The following SPTAN1 variants were observed in gnomAD, a reference collection of about 807,000 sequenced individuals.
SPTAN1 encodes the protein spectrin alpha, non-erythrocytic 1.
In SPTAN1, 61 loss-of-function variants were observed where a neutral mutation model predicts 331.3. The ratio of observed to expected loss-of-function variants is 0.18; its 90% confidence interval spans 0.15 to 0.23. SPTAN1 has a LOEUF of 0.23. SPTAN1 is among the 10% of genes least tolerant of loss of function. SPTAN1 has a pLI of 1.00. For synonymous variants in SPTAN1, 1,153 were observed against 1,173.9 expected (o/e 0.98, Z 0.36); for missense variants, 2,043 against 3,147.9 (o/e 0.65, Z 8.40).
At chr9:128,587,185 A>G (rs1852766038) in intron 19 of SPTAN1, among the ~76,000 whole-genome samples, 1 of 152,104 alleles carries the variant, frequency 6.6e-6, no homozygotes, top group African/African-American at 2.4e-5. Context: ...TCCTGTGCTC[A>G]GCAGTCTTCC....
Position 128,633,401 on chromosome 9 carries a change from T to TG in SPTAN1, c.*68dup. 1.2e-6 allele frequency: 2 copies of TG among 1,609,416 alleles called. No homozygotes were observed. The highest frequency in any genetic ancestry group is 1.7e-6 in the Non-Finnish European group (2 of 1,178,832). Reference sequence around the variant, plus strand: ...TCGCCTTGCTGCATGTCCGCTCCTCTGTGTGCTCTCACTTTCCACTGTAAC... The same window carrying TG: ...TCGCCTTGCTGCATGTCCGCTCCTCTGGTGTGCTCTCACTTTCCACTGTAAC... On this transcript the variant is annotated 3_prime_UTR_variant, in exon 57 of 57. Transcript: ENST00000372739.
chr9:128,564,945 C>T (rs1414184831), intron 1 of SPTAN1, among the ~76,000 whole-genome samples: 1 of 152,148 alleles, frequency 6.6e-6, no homozygotes, highest in Non-Finnish European at 1.5e-5. Flanking sequence ...AGAGATAATA[C>T]CAGGCAGGCA....
At chr9:128,554,551 ATG>A (rs1564172180) in intron 1 of SPTAN1, among the ~76,000 whole-genome samples, 1 of 151,810 alleles carries the variant, frequency 6.6e-6, no homozygotes, top group African/African-American at 2.4e-5. Context: ...ATAGTCCCCC[ATG>A]TCCTGTCACT....
intron 21 of SPTAN1, among the ~76,000 whole-genome samples, chr9:128,590,000 C>T (rs1183503178): frequency 6.6e-6 from 1 of 152,198 alleles, no homozygotes; most frequent in African/African-American, 2.4e-5. Flanking sequence ...ATAAATCCAT[C>T]CTGGTCCACC....
intron 16 of SPTAN1, 107 bp downstream of exon 16, chr9:128,584,076 GTTGA>G: frequency 6.6e-7 from 1 of 1,506,218 alleles, no homozygotes; most frequent in Non-Finnish European, 9.1e-7. Flanking sequence ...GATGAAATGT[GTTGA>G]TTTTCTTAGA....
At position 128,607,889 on chromosome 9, in the gene SPTAN1, T is replaced by C. The variant is rs1239390443; in HGVS notation, c.4184T>C (p.Phe1395Ser). The C allele has an allele frequency of 6.2e-7, 1 of 1,613,972 alleles. No homozygotes were observed. The highest frequency in any genetic ancestry group is 1.3e-5 in the African/African-American group (1 of 74,910). Residue 1395 changes from phenylalanine (F) to serine (S), a missense_variant, in exon 33 of 57, where the codon TTC (phenylalanine) becomes TCC (serine). By Grantham distance (155) the Phe-to-Ser change is radical. Transcript: ENST00000372739. ...RTEIDARAGTFQAFEQFGQQL... is the reference protein window; with the variant it reads ...RTEIDARAGTSQAFEQFGQQL... The stretch of plus-strand genomic sequence containing the variant: ...GAAATCGATGCCAGGGCTGGCACTT[T>C]CCAGGCATTTGAGCAGTTTGGACAG...
In SPTAN1 at chr9:128,629,049, TTG is replaced by T; in HGVS notation, c.6707+1115_6707+1116del. ...TGCCTGCGCCCTGCCAGCTTGGGCT[TTG>T]TGTGTGTCTGTTGCAGTGTGCTCTT... is the stretch of plus-strand genomic sequence containing the variant. On this transcript the variant is annotated intron_variant, in intron 51 of 56. Coordinates refer to ENST00000372739, the MANE Select transcript of SPTAN1 (RefSeq NM_001130438.3). This position sits in a 1 kb window ranked among gnomAD's most constrained non-coding sequence, Gnocchi z 4.9. The T allele has an allele frequency of 2.5e-6, 1 of 397,350 alleles. No individual in the cohort carries two copies. Among genetic ancestry groups the T allele is most frequent in the Non-Finnish European group, 4.4e-6 (1 of 225,336 alleles). The allele number at this position is 397,350 out of a possible 1,614,324, so 24.6% of individuals were successfully genotyped here.
intron 46 of SPTAN1, chr9:128,624,851 G>A (rs1166950218): frequency 2.2e-5 from 13 of 587,718 alleles, no homozygotes; most frequent in African/African-American, 1.3e-4. Flanking sequence ...TCCGGATATC[G>A]GGGTCCACGT....
At position 128,613,630 on chromosome 9, in the gene SPTAN1, A is replaced by G. The variant is rs1358468993; in HGVS notation, c.5148+145A>G. On this transcript the variant is annotated intron_variant, in intron 40 of 56. Transcript: ENST00000372739. ...CAAAGGTTGTGGCCTCAGGATCATTATACACTTGGCAGTTATTGAGGGCTC... is the reference window on the plus strand; with the variant it reads ...CAAAGGTTGTGGCCTCAGGATCATTGTACACTTGGCAGTTATTGAGGGCTC... 4.4e-6 allele frequency: 3 copies of G among 685,494 alleles called. No homozygotes were observed. In the Admixed American group the frequency reaches 7.0e-5, roughly 16 times the overall value. 42.5% of individuals were successfully genotyped at this position (685,494 alleles called of 1,614,324 possible).
At chr9:128,603,008 T>C (rs1420722241) in intron 27 of SPTAN1, among the ~76,000 whole-genome samples, 2 of 151,334 alleles carry the variant, frequency 1.3e-5, no homozygotes, top group East Asian at 1.9e-4. Flanking sequence ...GTTGTTGAAA[T>C]GTACGTTGTT....
At chr9:128,607,752 G>A (rs1856074778) in intron 32 of SPTAN1, 49 bp downstream of exon 32, 4 of 1,610,992 alleles carry the variant, frequency 2.5e-6, no homozygotes, top group Non-Finnish European at 3.4e-6. Context: ...GCTCTGCAGG[G>A]CCCTAGAGGC....
chr9:128,556,690 A>T (rs894903519), intron 1 of SPTAN1, among the ~76,000 whole-genome samples: 3 of 152,222 alleles, frequency 2.0e-5, no homozygotes, highest in Non-Finnish European at 4.4e-5. Context: ...GTTGAAATGA[A>T]TTAATCAGTT....
Position 128,583,169 on chromosome 9 carries a change from A to G in SPTAN1, c.1899A>G (p.Lys633=), listed in dbSNP as rs762702979. 1 of 1,614,144 alleles carries G rather than the reference A, an allele frequency of 6.2e-7. No individual in the cohort carries two copies. Among genetic ancestry groups the G allele is most frequent in the East Asian group, 2.2e-5 (1 of 44,884 alleles). ...AGAGCCGAATTGATGCCTTGGAGAA[A>G]GCTGGCCAAAAGCTGATTGATGTCA... ...ANQSRIDALE[K]AGQKLIDVNH... The change falls in exon 15 of 57, where the codon AAA becomes AAG. Residue 633 remains lysine, a synonymous_variant. Coordinates refer to ENST00000372739, the MANE Select transcript of SPTAN1 (RefSeq NM_001130438.3).
At chr9:128,589,192 C>T (rs1853093309) in intron 21 of SPTAN1, among the ~76,000 whole-genome samples, 1 of 152,094 alleles carries the variant, frequency 6.6e-6, no homozygotes, top group Non-Finnish European at 1.5e-5. Flanking sequence ...CTTATTTTCA[C>T]CATTGAGTGT....
chr9:128,605,627 T>G, intron 31 of SPTAN1, 150 bp downstream of exon 31: 2 of 986,376 alleles, frequency 2.0e-6, no homozygotes. Flanking sequence ...GCGAATTGCT[T>G]GAACTCAGGA....
At chr9:128,622,077 G>A (rs895952764) in intron 45 of SPTAN1, 1 of 152,436 alleles carries the variant, frequency 6.6e-6, no homozygotes, top group Non-Finnish European at 1.5e-5. Flanking sequence ...CAGCAACAAT[G>A]TAGCTAAAAT....
At chr9:128,578,343 A>G in intron 9 of SPTAN1, 98 bp downstream of exon 9, 3 of 1,501,920 alleles carry the variant, frequency 2.0e-6, no homozygotes, top group Middle Eastern at 1.7e-4. Context: ...CGTTGGTACC[A>G]TGTTATTCAC....
chr9:128,611,959 T>TC, intron 38 of SPTAN1, 114 bp downstream of exon 38: 1 of 1,601,948 alleles, frequency 6.2e-7, no homozygotes, highest in Non-Finnish European at 8.5e-7. Flanking sequence ...ATAGAAGACT[T>TC]TAGGCTGAAT....
At chr9:128,589,359 G>A (rs1158146532) in intron 21 of SPTAN1, among the ~76,000 whole-genome samples, 4 of 145,506 alleles carry the variant, frequency 2.7e-5, no homozygotes. Flanking sequence ...CACGATTTCA[G>A]CTCACTGCAA....
Sources: gnomAD v4.1 joint callset for allele counts (sites outside exome capture counted in the v4.1 genomes callset) on GRCh38, gnomAD v4.1.1 for gene constraint, Gnocchi (gnomAD v3.1) non-coding constraint, MANE v1.5 for transcripts, NCBI Gene and HGNC (gene_info 2026-07-23, HGNC 2026-07-21) for gene names.